The following PLEC variants were observed in gnomAD, a reference collection of about 807,000 sequenced individuals.
PLEC encodes plectin.
A neutral mutation model predicts 392.8 loss-of-function variants in PLEC; 216 were observed. The ratio of observed to expected loss-of-function variants is 0.55; its 90% CI spans 0.49 to 0.62. The LOEUF (loss-of-function observed/expected upper bound fraction) is 0.62, where lower values mean the gene tolerates loss of function less well. Among genes scored for constraint, PLEC ranks in the 20% least tolerant of loss-of-function variants. The pLI, the probability that PLEC is intolerant of heterozygous loss-of-function variation, is 0.00. For synonymous variants in PLEC, 3,621 were observed against 2,980.6 expected, an observed-to-expected ratio of 1.21 and a Z score of -7.00; for missense variants, 6,863 against 6,563.4, an observed-to-expected ratio of 1.05 and a Z score of -1.58.
chr8:143,958,040 C>T (rs1048720459), upstream of PLEC, among the ~76,000 whole-genome samples: 1 of 152,220 alleles, frequency 6.6e-6, no homozygotes, highest in Admixed American at 6.5e-5. The surrounding 1 kb of genome is among the most constrained non-coding windows in gnomAD (Gnocchi z 4.9). Context: ...TCCGGAGGCA[C>T]AGACCCCTGC....
In PLEC at chr8:143,924,347, G is replaced by A. The variant is rs200949161; in HGVS notation, c.5582C>T (p.Ala1861Val). 347 of 1,596,884 alleles carry A rather than the reference G, an allele frequency of 2.2e-4. No individual in the cohort carries two copies. The African/African-American group carries it at 2.3e-3, about 11-fold the overall frequency. Residue 1861 changes from alanine (A) to valine (V), a missense_variant, in exon 31 of 32, where the codon GCG becomes GTG. Transcript: ENST00000345136. The stretch of plus-strand genomic sequence containing the variant: ...CAGCCGCCGCAGGCGCTCGTTCTCC[G>A]CCTCCTTCTCCTTGAGCGCGATCTC... ...EAEIALKEKE[A>V]ENERLRRLAE...
rs727504099 is a variant in PLEC, at chr8:143,927,505, C to A, written c.3661G>T (p.Ala1221Ser). Reference sequence around the variant, plus strand: ...CGCCGCCTGGCGTCCTGCAGCCAGGCGCCCAAGGGGTCTGCACTCTCGCGG... The same window carrying A: ...CGCCGCCTGGCGTCCTGCAGCCAGGAGCCCAAGGGGTCTGCACTCTCGCGG... ...YYRESADPLG[A>S]WLQDARRRQE... The change falls in exon 27 of 32, where the codon GCC becomes TCC. Residue 1221 changes from alanine to serine, a missense_variant. Ala to Ser is a moderately conservative substitution (Grantham distance 99). Transcript: ENST00000345136. 1.1e-5 allele frequency: 17 copies of A among 1,596,932 alleles called. No homozygotes were observed. The highest frequency in any genetic ancestry group is 1.4e-5 in the Non-Finnish European group (17 of 1,178,660).
chr8:143,922,819 G>A lies in PLEC; in HGVS notation c.7110C>T (p.Ala2370=), dbSNP rs80143277. The A allele has an allele frequency of 2.3e-3, 3,668 of 1,584,518 alleles. 93 individuals carry two copies. In the African/African-American group the frequency reaches 0.044, roughly 19 times the overall value. The change falls in exon 31 of 32, where the codon GCC becomes GCT. Residue 2370 remains alanine, a synonymous_variant. Transcript: ENST00000345136. ...ETQGFQRTLE[A]ERQRQLEMSA... ...TCATCTCCAGCTGCCGCTGCCGCTC[G>A]GCCTCCAGCGTCCGCTGGAAGCCCT...
In PLEC at chr8:143,918,858, C is replaced by A. The variant is rs1315338542; in HGVS notation, c.10963G>T (p.Ala3655Ser). 15 of 1,612,776 alleles carry A rather than the reference C, an allele frequency of 9.3e-6. No individual in the cohort carries two copies. The highest frequency in any genetic ancestry group is 2.2e-5 in the East Asian group (1 of 44,882). ...RRLTAEDLFE[A>S]RIISLETYNL... ...TAGGTCTCGAGAGAGATGATCCGAGCCTCGAACAGGTCCTCAGCCGTGAGG... is the reference window on the plus strand; with the variant it reads ...TAGGTCTCGAGAGAGATGATCCGAGACTCGAACAGGTCCTCAGCCGTGAGG... Residue 3655 changes from alanine to serine, a missense_variant, in exon 32 of 32, where the codon GCT becomes TCT. Ala to Ser is a moderately conservative substitution (Grantham distance 99, BLOSUM62 1). Transcript: ENST00000345136.
chr8:143,921,940 G>C lies in PLEC; in HGVS notation c.7881C>G (p.Pro2627=). The C allele has an allele frequency of 6.3e-7, 1 of 1,599,334 alleles. No individual in the cohort carries two copies. The change falls in exon 32 of 32, where the codon CCC becomes CCG. Residue 2627 remains proline, a synonymous_variant. Coordinates refer to ENST00000345136, the MANE Select transcript of PLEC (RefSeq NM_201384.3). The part of the protein sequence containing the change: ...ASQVAATKTL[P]NGRDALDGPA... The stretch of plus-strand genomic sequence containing the variant: ...GGCCATCAAGTGCATCCCGGCCATT[G>C]GGCAGGGTCTTTGTGGCAGCCACCT...
In PLEC at chr8:143,916,458, C is replaced by G. The variant is rs782194449; in HGVS notation, c.13363G>C (p.Val4455Leu). The G allele has an allele frequency of 6.2e-7, 1 of 1,611,902 alleles. No individual in the cohort carries two copies. The highest frequency in any genetic ancestry group is 8.5e-7 in the Non-Finnish European group (1 of 1,179,510). ...AGCCGCAGCCCCGTGCCCTCCTCCA[C>G]CATGCTGCGGTCCAGCGCGTCCTTA... ...SYKDALDRSM[V>L]EEGTGLRLLE... Residue 4455 changes from valine to leucine, a missense_variant, in exon 32 of 32, where the codon GTG (valine) becomes CTG (leucine). Transcript: ENST00000345136.
Position 143,924,207 on chromosome 8 carries a change from G to T in PLEC, c.5722C>A (p.Arg1908=). 6.3e-7 allele frequency: 1 copy of T among 1,598,884 alleles called. No individual in the cohort carries two copies. The highest frequency in any genetic ancestry group is 8.5e-7 in the Non-Finnish European group (1 of 1,179,516). The change falls in exon 31 of 32, where the codon CGG becomes AGG. Residue 1908 remains arginine, a synonymous_variant. Transcript: ENST00000345136. Reference sequence around the variant, plus strand: ...GTGTCCTCCACCAGCCCCTTCTGCCGCTCCAGCTCGCTGTCCGATGCCTTG... The same window carrying T: ...GTGTCCTCCACCAGCCCCTTCTGCCTCTCCAGCTCGCTGTCCGATGCCTTG... ...LRKASDSELE[R]QKGLVEDTLR...
rs1554723020 is a variant in PLEC at position 143,935,999 on chromosome 8, C to T, written c.451G>A (p.Val151Met). 1 of 1,612,336 alleles carries T rather than the reference C, an allele frequency of 6.2e-7. No homozygotes were observed. Among genetic ancestry groups the T allele is most frequent in the Non-Finnish European group, 8.5e-7 (1 of 1,179,954 alleles). The part of the protein sequence containing the change: ...ILHFQISDIQ[V>M]SGQSEDMTAK... ...GTCATGTCCTCCGACTGCCCACTCA[C>T]CTGGATATCTGAGATCTGCTCACAG... Residue 151 changes from valine to methionine, a missense_variant, in exon 6 of 32, where the codon GTG becomes ATG. Physicochemically the swap from Val to Met is conservative, Grantham distance 21. Coordinates refer to ENST00000345136, the MANE Select transcript of PLEC (RefSeq NM_201384.3).
In PLEC at chr8:143,924,420, C is replaced by G; in HGVS notation, c.5509G>C (p.Glu1837Gln). 6.3e-7 allele frequency: 1 copy of G among 1,590,038 alleles called. No homozygotes were observed. The highest frequency in any genetic ancestry group is 8.5e-7 in the Non-Finnish European group (1 of 1,175,800). The stretch of plus-strand genomic sequence containing the variant: ...GCCTCGCCGATGGCGGCCAGCTTCT[C>G]CGCAAGCACCCGCTCCGCCTCGGCC... ...QRAEAERVLA[E>Q]KLAAIGEATR... The change falls in exon 31 of 32, where the codon GAG (glutamate) becomes CAG (glutamine). Residue 1837 changes from glutamate (E) to glutamine (Q), a missense_variant. Transcript: ENST00000345136.
rs782433313 is a variant in PLEC at position 143,932,406 on chromosome 8, G to A, written c.1971C>T (p.Ser657=). Residue 657 remains serine (S), a synonymous_variant, in exon 16 of 32, where the codon AGC becomes AGT. Coordinates refer to ENST00000345136, the MANE Select transcript of PLEC (RefSeq NM_201384.3). ...RNTNMTAKKE[S]YSALMRELEL... ...CAGCTGGGCCACCGCTCACCGAGTAGCTCTCCTTCTTGGCGGTCATGTTGG... is the reference window on the plus strand; with the variant it reads ...CAGCTGGGCCACCGCTCACCGAGTAACTCTCCTTCTTGGCGGTCATGTTGG... 3.7e-6 allele frequency: 6 copies of A among 1,612,744 alleles called. No individual in the cohort carries two copies. The highest frequency in any genetic ancestry group is 5.1e-6 in the Non-Finnish European group (6 of 1,179,980).
Position 143,915,951 on chromosome 8 carries a change from G to A in PLEC, c.*226C>T. On this transcript the variant is annotated 3_prime_UTR_variant, in exon 32 of 32. Transcript: ENST00000345136. Reference sequence around the variant, plus strand: ...GTGTGAGTGGCAGGTAGAAGGGAGTGAGGAGACCCGAGGGGGTGAGGCGGC... The same window carrying A: ...GTGTGAGTGGCAGGTAGAAGGGAGTAAGGAGACCCGAGGGGGTGAGGCGGC... 2.4e-6 allele frequency: 1 copy of A among 412,894 alleles called. No homozygotes were observed. Among genetic ancestry groups the A allele is most frequent in the Non-Finnish European group, 4.3e-6 (1 of 233,260 alleles). 25.6% of individuals were successfully genotyped at this position (412,894 alleles called of 1,614,324 possible).
At chr8:143,945,907 C>T (rs1831394818) in intron 1 of PLEC, among the ~76,000 whole-genome samples, 1 of 152,242 alleles carries the variant, frequency 6.6e-6, no homozygotes, top group Non-Finnish European at 1.5e-5. Flanking sequence ...AGGGGTCGGG[C>T]GGGCCCAGGC....
rs1554683565 is a variant in PLEC at position 143,920,967 on chromosome 8, C to T, written c.8854G>A (p.Val2952Met). The change falls in exon 32 of 32, where the codon GTG (valine) becomes ATG (methionine). Residue 2952 changes from valine (V) to methionine (M), a missense_variant. Coordinates refer to ENST00000345136, the MANE Select transcript of PLEC (RefSeq NM_201384.3). Reference protein sequence around the residue: ...LRQFRTGRITVEKIIKIIITV... With the variant: ...LRQFRTGRITMEKIIKIIITV... ...ATGATGATCTTGATGATCTTCTCCA[C>T]TGTGATCCGGCCCGTGCGGAACTGC... 6.2e-7 allele frequency: 1 copy of T among 1,613,204 alleles called. No individual in the cohort carries two copies. The highest frequency in any genetic ancestry group is 8.5e-7 in the Non-Finnish European group (1 of 1,180,036).
At chr8:143,951,458 CA>C (rs1304055167), upstream of PLEC, among the ~76,000 whole-genome samples, 1 of 152,082 alleles carries the variant, frequency 6.6e-6, no homozygotes, top group Non-Finnish European at 1.5e-5. Flanking sequence ...TGCTGTCCAT[CA>C]GGCGGGCAAA....
At chr8:143,973,725 G>T (rs1462395350), upstream of PLEC, among the ~76,000 whole-genome samples, 1 of 151,048 alleles carries the variant, frequency 6.6e-6, no homozygotes, top group South Asian at 2.1e-4. The surrounding 1 kb of genome is among the most constrained non-coding windows in gnomAD (Gnocchi z 5.6). Flanking sequence ...TCCCGTTCTC[G>T]CCCGGGTCGC....
chr8:143,928,014 G>T (rs199511011), intron 25 of PLEC, 22 bp from the exon 26 acceptor site: 248 of 1,582,236 alleles, frequency 1.6e-4, no homozygotes, highest in Non-Finnish European at 1.3e-4. Context: ...GCGGGGCTCA[G>T]GGCCATGACA....
At chr8:143,943,922 T>C (rs1310514242), upstream of PLEC, 24 of 1,604,810 alleles carry the variant, frequency 1.5e-5, no homozygotes, top group Non-Finnish European at 2.0e-5. Context: ...GGGCTGCCCT[T>C]CCTGCGCTGG....
rs369095717 is a variant in PLEC, at chr8:143,923,582, C to T, written c.6347G>A (p.Arg2116Gln). 2.5e-5 allele frequency: 40 copies of T among 1,595,530 alleles called. No homozygotes were observed. Among genetic ancestry groups the T allele is most frequent in the Non-Finnish European group, 3.1e-5 (37 of 1,177,680 alleles). Residue 2116 changes from arginine (R) to glutamine (Q), a missense_variant, in exon 31 of 32, where the codon CGG becomes CAG. Physicochemically the swap from Arg to Gln is conservative, Grantham distance 43. Transcript: ENST00000345136. ...CTGCTCCTCTGCCGACTGCTTCAGC[C>T]GCTCGGCCTCTTCCACCTGCCGCCG... The part of the protein sequence containing the change: ...QSRRQVEEAE[R>Q]LKQSAEEQAQ...
intron 5 of PLEC, among the ~76,000 whole-genome samples, 198 bp from the exon 6 acceptor site, chr8:143,936,212 A>C (rs1294841885): frequency 6.6e-6 from 1 of 152,082 alleles, no homozygotes; most frequent in Non-Finnish European, 1.5e-5. Flanking sequence ...CCTCGGGGCC[A>C]CAAGTCCAGC....
Sources: gnomAD v4.1 joint callset for allele counts (sites outside exome capture counted in the v4.1 genomes callset) on GRCh38, gnomAD v4.1.1 for gene constraint, Gnocchi (gnomAD v3.1) non-coding constraint, MANE v1.5 for transcripts, NCBI Gene and HGNC (gene_info 2026-07-23, HGNC 2026-07-21) for gene names.